The following NUDT3 variants were observed in gnomAD, a reference collection of about 807,000 sequenced individuals.
NUDT3 encodes the protein diphosphoinositol polyphosphate phosphohydrolase 1.
In NUDT3, 9 loss-of-function variants were observed where a neutral mutation model predicts 23.6. The ratio of observed to expected loss-of-function variants is 0.38; its 90% CI spans 0.23 to 0.66. The LOEUF (loss-of-function observed/expected upper bound fraction) is 0.66. Ranked by LOEUF, NUDT3 falls within the 30% of genes least tolerant of loss-of-function variation. The pLI is 0.52. For synonymous variants in NUDT3, 86 were observed against 82.6 expected (o/e 1.04, Z -0.22); for missense variants, 172 against 218.5 (o/e 0.79, Z 1.34).
intron 1 of NUDT3, among the ~76,000 whole-genome samples, chr6:34,383,037 G>T (rs1313739216): frequency 6.0e-5 from 9 of 149,862 alleles, no homozygotes; most frequent in African/African-American, 1.7e-4. Context: ...TGAGGCAGGA[G>T]AATCGTTTGA....
At chr6:34,373,030 AGCACTTT>A in intron 1 of NUDT3, among the ~76,000 whole-genome samples, 2 of 152,004 alleles carry the variant, frequency 1.3e-5, no homozygotes, top group Middle Eastern at 3.4e-3. Flanking sequence ...CTGTAATTCC[AGCACTTT>A]GGGAAGCCGA....
chr6:34,329,246 A>G (rs1000446275), intron 2 of NUDT3, among the ~76,000 whole-genome samples: 1 of 152,194 alleles, frequency 6.6e-6, no homozygotes, highest in Non-Finnish European at 1.5e-5. Context: ...ACATAGATAT[A>G]CACACATATA....
chr6:34,341,094 A>G (rs1764281475), intron 2 of NUDT3, among the ~76,000 whole-genome samples: 1 of 152,188 alleles, frequency 6.6e-6, no homozygotes, highest in African/African-American at 2.4e-5. Flanking sequence ...CAGGGCGAGT[A>G]AACTGGGGCG....
chr6:34,332,792 G>C (rs1366670747), intron 2 of NUDT3, among the ~76,000 whole-genome samples: 1 of 152,086 alleles, frequency 6.6e-6, no homozygotes, highest in Non-Finnish European at 1.5e-5. Flanking sequence ...TTCTCCTCCT[G>C]TTTCTGTTTT....
intron 1 of NUDT3, among the ~76,000 whole-genome samples, chr6:34,343,637 T>C (rs7752035): frequency 0.12 from 18,523 of 151,950 alleles, 1,902 homozygotes; most frequent in East Asian, 0.45. Flanking sequence ...CTATAGCACA[T>C]TTAGAAGAAA....
At chr6:34,381,068 G>A (rs142772832) in intron 1 of NUDT3, among the ~76,000 whole-genome samples, 1 of 152,138 alleles carries the variant, frequency 6.6e-6, no homozygotes, top group Non-Finnish European at 1.5e-5. Flanking sequence ...CCAGGCTGAA[G>A]TGCAGTGGCA....
intron 2 of NUDT3, among the ~76,000 whole-genome samples, chr6:34,330,321 G>A (rs953656875): frequency 1.3e-5 from 2 of 152,124 alleles, no homozygotes; most frequent in African/African-American, 4.8e-5. Flanking sequence ...GTTGTTTCCT[G>A]ACTTTTTGAT....
At chr6:34,375,375 G>GT in intron 1 of NUDT3, among the ~76,000 whole-genome samples, 1 of 152,018 alleles carries the variant, frequency 6.6e-6, no homozygotes, top group Non-Finnish European at 1.5e-5. Context: ...AAATAAAAAA[G>GT]TTACCAGAGT....
At chr6:34,342,779 C>T (rs1207983882) in intron 1 of NUDT3, among the ~76,000 whole-genome samples, 1 of 152,186 alleles carries the variant, frequency 6.6e-6, no homozygotes, top group Non-Finnish European at 1.5e-5. Flanking sequence ...TAAACCATTA[C>T]TTTCTGATGA....
chr6:34,330,019 T>C (rs192211496), intron 2 of NUDT3, among the ~76,000 whole-genome samples: 1 of 152,236 alleles, frequency 6.6e-6, no homozygotes, highest in African/African-American at 2.4e-5. Flanking sequence ...ACAGTGCCTA[T>C]GTGCCACATT....
Position 34,345,224 on chromosome 6 carries a change from A to G in NUDT3, c.100-3252T>C, listed in dbSNP as rs148653791. On this transcript the variant is annotated intron_variant, in intron 1 of 4. Coordinates refer to ENST00000607016, the MANE Select transcript of NUDT3 (RefSeq NM_006703.4). Reference sequence around the variant, plus strand: ...CGACCACGTCCAGCTAATTTTTTGTATTTTTAGTAGAGACGGGGTTTCACC... The same window carrying G: ...CGACCACGTCCAGCTAATTTTTTGTGTTTTTAGTAGAGACGGGGTTTCACC... Among the ~76,000 whole-genome samples the G allele has an allele frequency of 4.2e-3, 620 of 149,024 alleles. 7 individuals are homozygous for G. Among genetic ancestry groups the G allele is most frequent in the African/African-American group, 0.014 (548 of 40,590 alleles).
chr6:34,296,509 G>A (rs144247308), intron 2 of NUDT3, among the ~76,000 whole-genome samples: 1 of 151,264 alleles, frequency 6.6e-6, no homozygotes, highest in African/African-American at 2.4e-5. Flanking sequence ...AGGAGGTGGA[G>A]GCTGCAGTGA....
At chr6:34,343,541 CAA>C (rs35748626) in intron 1 of NUDT3, among the ~76,000 whole-genome samples, 4 of 141,778 alleles carry the variant, frequency 2.8e-5, no homozygotes. Flanking sequence ...ACCCCCATCT[CAA>C]AAAAAAAAAA....
intron 1 of NUDT3, among the ~76,000 whole-genome samples, chr6:34,359,839 AC>A (rs1463234286): frequency 6.6e-6 from 1 of 152,174 alleles, no homozygotes; most frequent in Non-Finnish European, 1.5e-5. Context: ...CTGAGGACCC[AC>A]TAAACTTCCA....
Position 34,288,569 on chromosome 6 carries a change from C to A in NUDT3, c.*184G>T. The A allele has an allele frequency of 1.3e-6, 1 of 776,316 alleles. No individual in the cohort carries two copies. The highest frequency in any genetic ancestry group is 1.9e-6 in the Non-Finnish European group (1 of 518,534). 48.1% of individuals were successfully genotyped at this position (776,316 alleles called of 1,614,324 possible). Reference sequence around the variant, plus strand: ...ACCCAACCCCCACCCTCAATAAAAACAGAAGAAAAAGCCCCATCACTTAAC... The same window carrying A: ...ACCCAACCCCCACCCTCAATAAAAAAAGAAGAAAAAGCCCCATCACTTAAC... On this transcript the variant is annotated 3_prime_UTR_variant, in exon 5 of 5. Transcript: ENST00000607016.
chr6:34,372,461 T>C (rs1764847032), intron 1 of NUDT3, among the ~76,000 whole-genome samples: 1 of 152,168 alleles, frequency 6.6e-6, no homozygotes, highest in South Asian at 2.1e-4. Context: ...TGGTATCTCA[T>C]TGTGGTTTTG....
At chr6:34,382,325 C>T (rs533937550) in intron 1 of NUDT3, among the ~76,000 whole-genome samples, 7 of 152,102 alleles carry the variant, frequency 4.6e-5, no homozygotes, top group Admixed American at 4.6e-4. Context: ...ATCACTTGCG[C>T]CCGGAAGGTT....
intron 4 of NUDT3, among the ~76,000 whole-genome samples, chr6:34,289,975 C>G (rs1327047150): frequency 1.3e-5 from 2 of 152,134 alleles, no homozygotes; most frequent in African/African-American, 4.8e-5. Context: ...TGGTCAGGAA[C>G]AAGGACTCTG....
At chr6:34,308,002 T>C (rs1214231010) in intron 2 of NUDT3, among the ~76,000 whole-genome samples, 2 of 151,070 alleles carry the variant, frequency 1.3e-5, no homozygotes, top group Non-Finnish European at 2.9e-5. Context: ...ATGCCTGTAA[T>C]CCCAGCTACT....
Sources: gnomAD v4.1 joint callset for allele counts (sites outside exome capture counted in the v4.1 genomes callset) on GRCh38, gnomAD v4.1.1 for gene constraint, MANE v1.5 for transcripts, NCBI Gene and HGNC (gene_info 2026-07-23, HGNC 2026-07-21) for gene names.